OXR1: variants seen among roughly 807,000 people sequenced by gnomAD.
OXR1 encodes the protein oxidation resistance protein 1.
In OXR1, 41 loss-of-function variants were observed where a neutral mutation model predicts 104.6. The observed-to-expected ratio is 0.39, with a 90% confidence interval of 0.31 to 0.51. OXR1 has a LOEUF of 0.51. Ranked by LOEUF, OXR1 falls within the 20% of genes least tolerant of loss-of-function variation. The pLI is 0.77. For synonymous variants in OXR1, 348 were observed against 348.4 expected, an observed-to-expected ratio of 1.00 and a Z score of 0.01; for missense variants, 955 against 1,031.9, an observed-to-expected ratio of 0.93 and a Z score of 1.02.
At chr8:106,467,272 T>C (rs1821223936) in intron 2 of OXR1, among the ~76,000 whole-genome samples, 1 of 151,940 alleles carries the variant, frequency 6.6e-6, no homozygotes, top group South Asian at 2.1e-4. Flanking sequence ...AAGAGTGGGC[T>C]TTTTTGTACT....
intron 3 of OXR1, among the ~76,000 whole-genome samples, chr8:106,585,966 T>C (rs1274227576): frequency 1.3e-5 from 2 of 152,162 alleles, no homozygotes; most frequent in Admixed American, 1.3e-4. Flanking sequence ...TATGACATCT[T>C]AGAAGCTTTT....
At chr8:106,430,287 A>G (rs901500909) in intron 2 of OXR1, among the ~76,000 whole-genome samples, 8 of 152,192 alleles carry the variant, frequency 5.3e-5, no homozygotes, top group African/African-American at 1.2e-4. Flanking sequence ...AAAAACTACA[A>G]TTGTATAGCA....
chr8:106,381,210 A>T (rs1817135678), intron 2 of OXR1, among the ~76,000 whole-genome samples: 1 of 152,196 alleles, frequency 6.6e-6, no homozygotes, highest in Admixed American at 6.5e-5. Context: ...GATCTTAATT[A>T]TTGGTGACAC....
intron 1 of OXR1, among the ~76,000 whole-genome samples, chr8:106,331,974 T>C (rs1418525221): frequency 6.7e-6 from 1 of 150,236 alleles, no homozygotes; most frequent in Non-Finnish European, 1.5e-5. Context: ...TTCTTTGTTA[T>C]ATTTATTTCT....
intron 1 of OXR1, among the ~76,000 whole-genome samples, chr8:106,281,289 C>G (rs1482155672): frequency 6.6e-6 from 1 of 152,056 alleles, no homozygotes; most frequent in Non-Finnish European, 1.5e-5. Flanking sequence ...TTCATAATTG[C>G]TCCAAATTGG....
chr8:106,378,150 C>T (rs1816985158), intron 2 of OXR1, among the ~76,000 whole-genome samples: 1 of 152,172 alleles, frequency 6.6e-6, no homozygotes, highest in Admixed American at 6.5e-5. Flanking sequence ...TGTTAATTAG[C>T]TTTCAAAGAA....
intron 2 of OXR1, among the ~76,000 whole-genome samples, chr8:106,486,215 C>T (rs1810646080): frequency 6.6e-6 from 1 of 152,032 alleles, no homozygotes; most frequent in South Asian, 2.1e-4. Flanking sequence ...TCATGTAGTA[C>T]ATGGTAATTA....
intron 3 of OXR1, among the ~76,000 whole-genome samples, chr8:106,678,792 T>C (rs1827851904): frequency 6.7e-6 from 1 of 149,116 alleles, no homozygotes; most frequent in Non-Finnish European, 1.5e-5. Flanking sequence ...TAGAAAAATT[T>C]TTTCCTGTGA....
At chr8:106,279,508 G>A (rs1360741935) in intron 1 of OXR1, among the ~76,000 whole-genome samples, 3 of 152,018 alleles carry the variant, frequency 2.0e-5, no homozygotes, top group Admixed American at 2.0e-4. Context: ...AAAATAAAAG[G>A]TTTTTAGTAG....
intron 1 of OXR1, among the ~76,000 whole-genome samples, chr8:106,334,450 G>A (rs1563723253): frequency 6.6e-6 from 1 of 151,986 alleles, no homozygotes; most frequent in Admixed American, 6.6e-5. Flanking sequence ...TACTTCCTCT[G>A]ACTAGAGCCT....
At chr8:106,613,327 A>T (rs1820954886) in intron 3 of OXR1, among the ~76,000 whole-genome samples, 1 of 152,230 alleles carries the variant, frequency 6.6e-6, no homozygotes, top group Non-Finnish European at 1.5e-5. Context: ...GGTTTAGTGA[A>T]GGCTCTTTTA....
At chr8:106,652,679 C>A (rs188304631) in intron 3 of OXR1, among the ~76,000 whole-genome samples, 5 of 150,392 alleles carry the variant, frequency 3.3e-5, no homozygotes, top group African/African-American at 9.8e-5. Flanking sequence ...AATAGCCTAA[C>A]CTTCTGCCTT....
At chr8:106,378,481 C>T (rs1816998051) in intron 2 of OXR1, among the ~76,000 whole-genome samples, 1 of 152,182 alleles carries the variant, frequency 6.6e-6, no homozygotes, top group Non-Finnish European at 1.5e-5. Context: ...GCATTAATCT[C>T]ATTCGCTGAC....
At chr8:106,303,248 C>CTTTTTTTTTTTT (rs1164596413) in intron 1 of OXR1, among the ~76,000 whole-genome samples, 1 of 92,364 alleles carries the variant, frequency 1.1e-5, no homozygotes, top group Non-Finnish European at 2.0e-5. Flanking sequence ...TTTTTTCTTT[C>CTTTTTTTTTTTT]TTTTTTTTTT....
At chr8:106,395,888 A>G (rs570033930) in intron 2 of OXR1, among the ~76,000 whole-genome samples, 2 of 152,008 alleles carry the variant, frequency 1.3e-5, no homozygotes, top group Non-Finnish European at 2.9e-5. Flanking sequence ...AGTGTCTTCT[A>G]GTGTCAAAAA....
chr8:106,701,401 A>G (rs910072527), intron 7 of OXR1, among the ~76,000 whole-genome samples: 10 of 152,308 alleles, frequency 6.6e-5, no homozygotes, highest in African/African-American at 2.2e-4. Flanking sequence ...TTTAAAAGCA[A>G]TATCTGCCAT....
intron 2 of OXR1, among the ~76,000 whole-genome samples, chr8:106,492,608 C>G (rs905884449): frequency 6.6e-6 from 1 of 152,124 alleles, no homozygotes; most frequent in African/African-American, 2.4e-5. Flanking sequence ...TACCATTCCC[C>G]CCTCCAGGCT....
intron 1 of OXR1, among the ~76,000 whole-genome samples, chr8:106,358,573 G>A (rs571760936): frequency 5.3e-5 from 8 of 152,266 alleles, no homozygotes; most frequent in African/African-American, 7.2e-5. Context: ...GATAGTGTAC[G>A]TTCACATAGG....
chr8:106,355,552 A>C (rs2130322212), intron 1 of OXR1, among the ~76,000 whole-genome samples: 1 of 152,236 alleles, frequency 6.6e-6, no homozygotes, highest in Non-Finnish European at 1.5e-5. Flanking sequence ...TGACAAAATA[A>C]ATCAGATAGT....
Sources: allele counts gnomAD v4.1 joint callset (sites outside exome capture counted in the v4.1 genomes callset), GRCh38; gene constraint gnomAD v4.1.1; transcripts MANE v1.5; gene names NCBI Gene and HGNC (gene_info 2026-07-23, HGNC 2026-07-21).